PINX1: variants seen among roughly 807,000 people sequenced by gnomAD.
The protein encoded by PINX1 is PIN2 (TERF1) interacting telomerase inhibitor 1, also known as PIN2/TERF1-interacting telomerase inhibitor 1.
PINX1 carries 34 observed loss-of-function variants against 25.4 expected under a neutral mutation model. The observed-to-expected ratio is 1.34, with a 90% CI of 1.02 to 1.78. The LOEUF is 1.78. Among genes scored for constraint, PINX1 ranks in the 40% most tolerant of loss-of-function variants. The pLI, the probability that PINX1 is intolerant of heterozygous loss-of-function variation, is 0.00. For missense variants in PINX1, 592 were observed against 404.9 expected (o/e 1.46, Z -3.97); for synonymous variants, 197 against 147.7 (o/e 1.33, Z -2.42).
At chr8:10,832,832 G>A (rs772984611) in intron 3 of PINX1, 60 bp downstream of exon 3, 1 of 956,622 alleles carries the variant, frequency 1.0e-6, no homozygotes, top group East Asian at 2.5e-5. Context: ...TCAACTTTCA[G>A]ATTTACAAGA....
rs6987514 is a variant in PINX1 at position 10,838,667 on chromosome 8, C to G, written c.19+1071G>C. On this transcript the variant is annotated intron_variant, in intron 1 of 6. Coordinates refer to ENST00000314787, the MANE Select transcript of PINX1 (RefSeq NM_017884.6). ...GCTATCTAGGCTCTAACCCTGACTC[C>G]TCATTTTTTACTGGTGAAAAAATAG... Among the ~76,000 whole-genome samples the G allele has an allele frequency of 8.4e-3, 1,275 of 152,268 alleles. 18 individuals are homozygous for G. The highest frequency in any genetic ancestry group is 0.029 in the African/African-American group (1,202 of 41,556).
chr8:10,808,837 C>T (rs186384633), intron 6 of PINX1, among the ~76,000 whole-genome samples: 26 of 152,226 alleles, frequency 1.7e-4, no homozygotes, highest in Non-Finnish European at 1.6e-4. Context: ...ATCTAAACTC[C>T]TATATTTTTC....
At chr8:10,839,120 G>C (rs1041919820) in intron 1 of PINX1, among the ~76,000 whole-genome samples, 1 of 151,720 alleles carries the variant, frequency 6.6e-6, no homozygotes, top group African/African-American at 2.4e-5. Context: ...ACAGAGACAG[G>C]GGTTTCACCG....
intron 6 of PINX1, among the ~76,000 whole-genome samples, chr8:10,802,237 G>A (rs987274479): frequency 1.3e-5 from 2 of 152,194 alleles, no homozygotes; most frequent in African/African-American, 4.8e-5. Context: ...ACAGAGAATT[G>A]CTTTAGGGGG....
At chr8:10,815,608 G>A (rs1429526634) in intron 6 of PINX1, among the ~76,000 whole-genome samples, 2 of 152,150 alleles carry the variant, frequency 1.3e-5, no homozygotes, top group African/African-American at 4.8e-5. Flanking sequence ...GCCCACACAT[G>A]TTTTGCATGC....
At chr8:10,834,037 A>C (rs1437747269) in intron 2 of PINX1, among the ~76,000 whole-genome samples, 1 of 152,196 alleles carries the variant, frequency 6.6e-6, no homozygotes, top group Non-Finnish European at 1.5e-5. Context: ...CAGTTCCCAG[A>C]CTTTAGCTAA....
intron 1 of PINX1, among the ~76,000 whole-genome samples, chr8:10,835,238 G>C (rs2129091090): frequency 6.6e-6 from 1 of 152,296 alleles, no homozygotes; most frequent in South Asian, 2.1e-4. Context: ...TTCAACCTGA[G>C]ACCTGCTCCA....
rs143355434 is a variant in PINX1, at chr8:10,787,220, C to T, written c.472-21304G>A. 2.0e-3 allele frequency among the ~76,000 whole-genome samples: 303 copies of T among 151,754 alleles called. 4 individuals are homozygous for T. Among genetic ancestry groups the T allele is most frequent in the East Asian group, 6.0e-3 (31 of 5,176 alleles). ...TACACATATTTTATGCACACACACA[C>T]ACACGTTTGTTTGTTTTTTTTCCAA... On this transcript the variant is annotated intron_variant, in intron 6 of 6. Transcript: ENST00000314787.
At chr8:10,790,727 C>CCT (rs2129076410) in intron 6 of PINX1, among the ~76,000 whole-genome samples, 1 of 152,078 alleles carries the variant, frequency 6.6e-6, no homozygotes, top group African/African-American at 2.4e-5. Flanking sequence ...CAGTCTGGCC[C>CCT]CTCCTTGCCC....
At chr8:10,816,886 G>GTGCCTCAGTTTCCTCA (rs1168112035) in intron 6 of PINX1, among the ~76,000 whole-genome samples, 4 of 152,158 alleles carry the variant, frequency 2.6e-5, no homozygotes, top group African/African-American at 9.7e-5. Flanking sequence ...AATTCTCTCT[G>GTGCCTCAGTTTCCTCA]TGCCTCAGTT....
At chr8:10,782,931 T>A (rs1801633872) in intron 6 of PINX1, among the ~76,000 whole-genome samples, 1 of 152,162 alleles carries the variant, frequency 6.6e-6, no homozygotes, top group Non-Finnish European at 1.5e-5. Context: ...ATAAAGGATA[T>A]AAATATTTAT....
At chr8:10,816,902 A>G (rs1171434491) in intron 6 of PINX1, among the ~76,000 whole-genome samples, 2 of 152,206 alleles carry the variant, frequency 1.3e-5, no homozygotes, top group Non-Finnish European at 2.9e-5. Flanking sequence ...CAGTTTCCTC[A>G]CTGCTACAGA....
chr8:10,839,865 C>T lies in PINX1; in HGVS notation c.-109G>A, dbSNP rs1798519806. The T allele has an allele frequency of 1.8e-6, 2 of 1,085,640 alleles. No homozygotes were observed. Among genetic ancestry groups the T allele is most frequent in the Non-Finnish European group, 2.6e-6 (2 of 756,986 alleles). 67.3% of individuals were successfully genotyped at this position (1,085,640 alleles called of 1,614,324 possible). ...CGTGCGTAACTCCCTCGCCGGCGGACTGCAGCGGACGGGGCGCGTGCTGGT... is the reference window on the plus strand; with the variant it reads ...CGTGCGTAACTCCCTCGCCGGCGGATTGCAGCGGACGGGGCGCGTGCTGGT... On this transcript the variant is annotated 5_prime_UTR_variant, in exon 1 of 7. Coordinates refer to ENST00000314787, the MANE Select transcript of PINX1 (RefSeq NM_017884.6).
intron 6 of PINX1, among the ~76,000 whole-genome samples, chr8:10,804,511 C>G (rs566072562): frequency 7.2e-5 from 11 of 152,116 alleles, no homozygotes; most frequent in African/African-American, 2.7e-4. Flanking sequence ...ATCTGTCATA[C>G]GCTGGGCACT....
intron 6 of PINX1, among the ~76,000 whole-genome samples, chr8:10,798,708 T>A (rs1802167755): frequency 6.6e-6 from 1 of 152,242 alleles, no homozygotes; most frequent in Non-Finnish European, 1.5e-5. Context: ...AGACACCTTT[T>A]CTAAATTCAG....
chr8:10,787,171 T>C (rs1801776779), intron 6 of PINX1, among the ~76,000 whole-genome samples: 1 of 151,782 alleles, frequency 6.6e-6, no homozygotes. Flanking sequence ...TATATATAAA[T>C]GTATTTACAT....
chr8:10,828,212 G>A (rs990885680), intron 4 of PINX1, among the ~76,000 whole-genome samples: 10 of 152,160 alleles, frequency 6.6e-5, no homozygotes, highest in African/African-American at 2.2e-4. Context: ...ACTTCCCAGG[G>A]ACACCTTGGA....
At chr8:10,774,821 A>AT (rs1358291283) in intron 6 of PINX1, among the ~76,000 whole-genome samples, 1 of 152,226 alleles carries the variant, frequency 6.6e-6, no homozygotes, top group African/African-American at 2.4e-5. Flanking sequence ...TTTGAGAAAT[A>AT]TTTTTAGGAG....
intron 6 of PINX1, among the ~76,000 whole-genome samples, chr8:10,773,201 G>A (rs1283469783): frequency 6.6e-6 from 1 of 152,106 alleles, no homozygotes; most frequent in Non-Finnish European, 1.5e-5. Flanking sequence ...CTTTTCCAGT[G>A]CACACACACA....
Sources: allele counts gnomAD v4.1 joint callset (sites outside exome capture counted in the v4.1 genomes callset), GRCh38; gene constraint gnomAD v4.1.1; transcripts MANE v1.5; gene names NCBI Gene and HGNC (gene_info 2026-07-23, HGNC 2026-07-21).